Variants in SLC22A4 observed in about 807,000 individuals in gnomAD.
The protein encoded by SLC22A4 is solute carrier family 22 member 4.
SLC22A4 carries 39 observed loss-of-function variants against 56.6 expected under a neutral mutation model. The observed-to-expected ratio is 0.69, with a 90% confidence interval of 0.53 to 0.90. The LOEUF (loss-of-function observed/expected upper bound fraction) is 0.90. Among genes scored for constraint, SLC22A4 ranks in the 40% least tolerant of loss-of-function variants. The pLI, the probability that SLC22A4 is intolerant of heterozygous loss-of-function variation, is 0.00. For missense variants in SLC22A4, 594 were observed against 696.5 expected (o/e 0.85, Z 1.66); for synonymous variants, 241 against 281.4 (o/e 0.86, Z 1.44).
chr5:132,303,745 T>C (rs991371444), intron 1 of SLC22A4, among the ~76,000 whole-genome samples: 1 of 152,212 alleles, frequency 6.6e-6, no homozygotes, highest in Non-Finnish European at 1.5e-5. Context: ...TCCCAGCTCA[T>C]TCATACGGCA....
rs1749758935 is a variant in SLC22A4 at position 132,295,399 on chromosome 5, G to A, written c.393+390G>A. ...GGGGTGTGAGGGACCTTGTTACTGGGCAGGGCGGGGCCAAATCTTGTCTGT... is the reference window on the plus strand; with the variant it reads ...GGGGTGTGAGGGACCTTGTTACTGGACAGGGCGGGGCCAAATCTTGTCTGT... On this transcript the variant is annotated intron_variant, in intron 1 of 9. Transcript: ENST00000200652. 1.6e-5 allele frequency: 7 copies of A among 436,324 alleles called. 1 individual carries two copies. The highest frequency in any genetic ancestry group is 1.3e-4 in the South Asian group (7 of 55,174). The allele number at this position is 436,324 out of a possible 1,614,324, so 27.0% of individuals were successfully genotyped here.
chr5:132,329,527 C>A (rs1750795879), intron 5 of SLC22A4, among the ~76,000 whole-genome samples: 1 of 151,750 alleles, frequency 6.6e-6, no homozygotes, highest in Admixed American at 6.6e-5. Flanking sequence ...AAGTAACTTG[C>A]CCAGGATCAC....
At chr5:132,332,730 G>GCACACACACACACACACA (rs3840351) in intron 6 of SLC22A4, among the ~76,000 whole-genome samples, 5 of 145,654 alleles carry the variant, frequency 3.4e-5, no homozygotes, top group African/African-American at 7.6e-5. Flanking sequence ...TATGATGGCA[G>GCACACACACACACACACA]CACACACACA....
At chr5:132,339,501 C>CACACACA (rs1554084162) in intron 8 of SLC22A4, among the ~76,000 whole-genome samples, 4 of 151,902 alleles carry the variant, frequency 2.6e-5, no homozygotes, top group South Asian at 2.1e-4. Flanking sequence ...CACACACACA[C>CACACACA]ACCTGAAAAC....
Position 132,294,679 on chromosome 5 carries a change from C to A in SLC22A4, c.63C>A (p.Ile21=). The A allele has an allele frequency of 6.2e-7, 1 of 1,614,158 alleles. No individual in the cohort carries two copies. The highest frequency in any genetic ancestry group is 8.5e-7 in the Non-Finnish European group (1 of 1,179,994). ...AGTGGGGGCCCTTCCAGCGCCTCATCTTCTTCCTGCTCAGCGCCAGCATCA... is the reference window on the plus strand; with the variant it reads ...AGTGGGGGCCCTTCCAGCGCCTCATATTCTTCCTGCTCAGCGCCAGCATCA... ...LGEWGPFQRL[I]FFLLSASIIP... The change falls in exon 1 of 10, where the codon ATC becomes ATA. Residue 21 remains isoleucine (I), a synonymous_variant. Transcript: ENST00000200652. The surrounding 1 kb of genome is among the most constrained non-coding windows in gnomAD (Gnocchi z 5.6).
chr5:132,316,282 GAGAA>G (rs918240146), intron 3 of SLC22A4, among the ~76,000 whole-genome samples: 4 of 152,128 alleles, frequency 2.6e-5, no homozygotes, highest in African/African-American at 9.7e-5. Flanking sequence ...GACTAGAAAA[GAGAA>G]AGAAAGAACA....
At chr5:132,321,558 T>C (rs933250641) in intron 3 of SLC22A4, among the ~76,000 whole-genome samples, 1 of 152,176 alleles carries the variant, frequency 6.6e-6, no homozygotes, top group South Asian at 2.1e-4. Flanking sequence ...TGTGGCATTC[T>C]CAGAAGGGAT....
At chr5:132,334,574 T>C (rs1750964059) in intron 6 of SLC22A4, 144 bp from the exon 7 acceptor site, 1 of 752,748 alleles carries the variant, frequency 1.3e-6, no homozygotes, top group African/African-American at 1.7e-5. Flanking sequence ...GTAATCTTAT[T>C]TAATTTTAAT....
At chr5:132,306,203 G>T (rs988245802) in intron 1 of SLC22A4, among the ~76,000 whole-genome samples, 2 of 151,334 alleles carry the variant, frequency 1.3e-5, no homozygotes, top group African/African-American at 4.9e-5. Context: ...TATACTTACC[G>T]TATGACCCAA....
intron 5 of SLC22A4, among the ~76,000 whole-genome samples, 159 bp from the exon 6 acceptor site, chr5:132,331,597 C>T (rs1271182455): frequency 6.6e-6 from 1 of 152,158 alleles, no homozygotes; most frequent in Non-Finnish European, 1.5e-5. Flanking sequence ...GAGTAAGTGT[C>T]ATATATGTAG....
At chr5:132,339,475 T>TACACACACACACACACACACAC (rs58759726) in intron 8 of SLC22A4, among the ~76,000 whole-genome samples, 24 of 146,740 alleles carry the variant, frequency 1.6e-4, no homozygotes, top group Admixed American at 9.5e-4. Context: ...GGTACACACG[T>TACACACACACACACACACACAC]ACACACACAC....
intron 1 of SLC22A4, among the ~76,000 whole-genome samples, chr5:132,308,699 T>A (rs1426312081): frequency 6.6e-6 from 1 of 152,194 alleles, no homozygotes; most frequent in Non-Finnish European, 1.5e-5. Context: ...CTGAAGGCCA[T>A]GCGGCCCAGC....
chr5:132,338,085 C>G (rs1751081861), intron 8 of SLC22A4, among the ~76,000 whole-genome samples: 3 of 152,056 alleles, frequency 2.0e-5, no homozygotes. Flanking sequence ...GGGCAAAATT[C>G]AGCCCTGATA....
At chr5:132,295,161 G>C (rs1173015282) in intron 1 of SLC22A4, 152 bp downstream of exon 1, 1 of 885,480 alleles carries the variant, frequency 1.1e-6, no homozygotes, top group East Asian at 2.6e-5. Flanking sequence ...TGCACCCCAA[G>C]AAAGAATAGG....
chr5:132,319,726 G>A (rs1750476454), intron 3 of SLC22A4, among the ~76,000 whole-genome samples: 1 of 152,110 alleles, frequency 6.6e-6, no homozygotes, highest in Non-Finnish European at 1.5e-5. Context: ...CCGAATAGGT[G>A]GGATTACAGG....
At chr5:132,336,142 T>C (rs1580847352) in intron 8 of SLC22A4, 142 bp downstream of exon 8, 1 of 846,276 alleles carries the variant, frequency 1.2e-6, no homozygotes, top group Non-Finnish European at 1.9e-6. Flanking sequence ...GGAGGAGCTC[T>C]AGAAAGCCAA....
At chr5:132,310,790 G>C (rs1430822385) in intron 1 of SLC22A4, among the ~76,000 whole-genome samples, 2 of 152,194 alleles carry the variant, frequency 1.3e-5, no homozygotes, top group Non-Finnish European at 2.9e-5. Context: ...TCGGATCTCA[G>C]TATTCAGAAC....
rs193060867 is a variant in SLC22A4 at position 132,331,158 on chromosome 5, C to A, written c.952-598C>A. 2.6e-3 allele frequency among the ~76,000 whole-genome samples: 392 copies of A among 152,176 alleles called. 1 individual carries two copies. The highest frequency in any genetic ancestry group is 4.4e-3 in the Non-Finnish European group (302 of 67,992). The stretch of plus-strand genomic sequence containing the variant: ...GACCAACCTGGCCAACATGGTGAAA[C>A]CCAGTCTCTACAAAAAATGCAAAAA... On this transcript the variant is annotated intron_variant, in intron 5 of 9. Coordinates refer to ENST00000200652, the MANE Select transcript of SLC22A4 (RefSeq NM_003059.3).
At chr5:132,312,966 C>A (rs187717552) in intron 2 of SLC22A4, among the ~76,000 whole-genome samples, 47 of 152,354 alleles carry the variant, frequency 3.1e-4, no homozygotes, top group African/African-American at 1.1e-3. Context: ...TCCATTCTAT[C>A]CACTGGTCAC....
Sources: allele counts gnomAD v4.1 joint callset (sites outside exome capture counted in the v4.1 genomes callset), GRCh38; gene constraint gnomAD v4.1.1; non-coding constraint Gnocchi (gnomAD v3.1); transcripts MANE v1.5; gene names NCBI Gene and HGNC (gene_info 2026-07-23, HGNC 2026-07-21).